R3HDM1: variants seen among roughly 807,000 people sequenced by gnomAD.
R3HDM1 encodes R3H domain-containing protein 1.
A neutral mutation model predicts 141.1 loss-of-function variants in R3HDM1; 46 were observed. That is an observed-to-expected ratio of 0.33 (90% confidence interval 0.26 to 0.42). The LOEUF (loss-of-function observed/expected upper bound fraction) is 0.42, where lower values mean the gene tolerates loss of function less well. Among genes scored for constraint, R3HDM1 ranks in the 10% least tolerant of loss-of-function variants. The pLI, the probability that R3HDM1 is intolerant of heterozygous loss-of-function variation, is 1.00. For synonymous variants in R3HDM1, 435 were observed against 472.9 expected (o/e 0.92, Z 1.04); for missense variants, 1,184 against 1,368.3 (o/e 0.87, Z 2.12).
intron 7 of R3HDM1, among the ~76,000 whole-genome samples, chr2:135,630,308 A>AAAAAAAAAAAAAAAAAAG (rs2062571916): frequency 7.6e-6 from 1 of 131,974 alleles, no homozygotes; most frequent in African/African-American, 3.0e-5. Context: ...AAAAAAAAAA[A>AAAAAAAAAAAAAAAAAAG]CAAAAAAAAA....
chr2:135,658,221 A>G (rs2066182129), intron 18 of R3HDM1, among the ~76,000 whole-genome samples: 1 of 152,094 alleles, frequency 6.6e-6, no homozygotes, highest in African/African-American at 2.4e-5. Flanking sequence ...GCTGGAGTTC[A>G]GTGGTATGAT....
intron 1 of R3HDM1, among the ~76,000 whole-genome samples, chr2:135,564,346 G>A (rs1168603190): frequency 6.6e-6 from 1 of 152,190 alleles, no homozygotes; most frequent in East Asian, 1.9e-4. Flanking sequence ...TTTTAAGACA[G>A]TCTCACTCTG....
At chr2:135,658,184 T>G (rs1459818893) in intron 18 of R3HDM1, among the ~76,000 whole-genome samples, 4 of 152,242 alleles carry the variant, frequency 2.6e-5, no homozygotes, top group African/African-American at 7.2e-5. Flanking sequence ...TTTTCTTTTT[T>G]GAGACGGAGT....
In R3HDM1 at chr2:135,609,969, G is replaced by A. The variant is rs191168325; in HGVS notation, c.171+4953G>A. On this transcript the variant is annotated intron_variant, in intron 3 of 26. Transcript: ENST00000683871. ...TGAGGTGGGAGAATTGCTTGAGCCA[G>A]GGAGATCGAGGTTGCAGTGAGCTGA... Among the ~76,000 whole-genome samples, 164 of 152,134 alleles carry A rather than the reference G, an allele frequency of 1.1e-3. 6 individuals carry two copies. The East Asian group carries it at 0.028, about 26-fold the overall frequency.
chr2:135,635,887 A>T lies in R3HDM1; in HGVS notation c.699-3A>T, dbSNP rs752596478. The T allele has an allele frequency of 6.3e-7, 1 of 1,579,998 alleles. No individual in the cohort carries two copies. Among genetic ancestry groups the T allele is most frequent in the Non-Finnish European group, 8.6e-7 (1 of 1,168,220 alleles). On this transcript the variant is annotated splice_region_variant and splice_polypyrimidine_tract_variant and intron_variant, in intron 9 of 26. Coordinates refer to ENST00000683871, the MANE Select transcript of R3HDM1 (RefSeq NM_001378107.1). ...TCCTTTGTTTTTGTTTTTGTTTTTT[A>T]AGACCTGATCAGAAATTTAATGAAC... is the stretch of plus-strand genomic sequence containing the variant.
In R3HDM1 at chr2:135,675,352, C is replaced by A; in HGVS notation, c.2173C>A (p.Gln725Lys). The change falls in exon 20 of 27, where the codon CAG becomes AAG. Residue 725 changes from glutamine to lysine, a missense_variant. This residue lies in a region of R3HDM1 where 563 missense variants were observed against 562.0 expected (regional missense o/e 1.00). Transcript: ENST00000683871. ...QQTGYQVIPN[Q>K]QQNYQGIVGV... Reference sequence around the variant, plus strand: ...TACAGGTTATCAAGTTATACCCAACCAGCAGCAAAACTACCAAGGAATAGT... The same window carrying A: ...TACAGGTTATCAAGTTATACCCAACAAGCAGCAAAACTACCAAGGAATAGT... 1 of 1,613,680 alleles carries A rather than the reference C, an allele frequency of 6.2e-7. No individual in the cohort carries two copies. The highest frequency in any genetic ancestry group is 2.2e-5 in the East Asian group (1 of 44,866).
At chr2:135,533,163 G>A (rs1236555584) in intron 1 of R3HDM1, among the ~76,000 whole-genome samples, 1 of 152,146 alleles carries the variant, frequency 6.6e-6, no homozygotes, top group African/African-American at 2.4e-5. Flanking sequence ...AATGAAAATT[G>A]CCAGTCATGT....
intron 14 of R3HDM1, among the ~76,000 whole-genome samples, chr2:135,640,325 A>C (rs1002408411): frequency 1.3e-5 from 2 of 152,214 alleles, no homozygotes; most frequent in African/African-American, 4.8e-5. Flanking sequence ...TTTTGCTAAA[A>C]ATAGGTAAAT....
At chr2:135,718,223 G>T (rs1159114510) in intron 24 of R3HDM1, among the ~76,000 whole-genome samples, 1 of 152,180 alleles carries the variant, frequency 6.6e-6, no homozygotes, top group Admixed American at 6.5e-5. Context: ...CTCTTCCAGG[G>T]ATGGAAATGT....
intron 1 of R3HDM1, among the ~76,000 whole-genome samples, chr2:135,532,029 G>A (rs1052165600): frequency 3.3e-5 from 5 of 152,230 alleles, no homozygotes; most frequent in Non-Finnish European, 5.9e-5. Context: ...CTCCGCGGCT[G>A]CTCTTGCAGC....
Position 135,709,569 on chromosome 2 carries a change from G to A in R3HDM1, c.2563+33G>A, listed in dbSNP as rs2075386299. ...GAAATCAGTGAAAATAAGATGATTG[G>A]TTCATATGAGAAATAGTTCGATTAC... On this transcript the variant is annotated intron_variant, in intron 22 of 26. Transcript: ENST00000683871. 2.5e-6 allele frequency: 4 copies of A among 1,605,324 alleles called. No individual in the cohort carries two copies. The East Asian group carries it at 8.9e-5, about 36-fold the overall frequency.
chr2:135,650,584 G>T, intron 17 of R3HDM1: 1 of 980,082 alleles, frequency 1.0e-6, no homozygotes, highest in Non-Finnish European at 1.2e-6. Context: ...TACAATTATG[G>T]TACTTCTGTT....
chr2:135,642,327 G>C (rs76438110), intron 15 of R3HDM1, among the ~76,000 whole-genome samples: 1 of 151,964 alleles, frequency 6.6e-6, no homozygotes. Context: ...TATTAATATT[G>C]ACAATACATA....
At chr2:135,652,330 A>C (rs2065237102) in intron 18 of R3HDM1, among the ~76,000 whole-genome samples, 1 of 152,198 alleles carries the variant, frequency 6.6e-6, no homozygotes, top group African/African-American at 2.4e-5. Context: ...AATCCACTGT[A>C]AAAGTAAAAT....
chr2:135,623,118 G>C (rs2061662709), intron 7 of R3HDM1: 1 of 860,766 alleles, frequency 1.2e-6, no homozygotes, highest in South Asian at 5.4e-5. Context: ...CAAAGTTTTT[G>C]TTCCTTCTTG....
chr2:135,578,156 G>A (rs1223557374), intron 1 of R3HDM1, among the ~76,000 whole-genome samples: 1 of 152,144 alleles, frequency 6.6e-6, no homozygotes, highest in Non-Finnish European at 1.5e-5. Context: ...ATAGATGATG[G>A]TACAGCCACA....
At chr2:135,604,477 G>A (rs577485332) in intron 2 of R3HDM1, among the ~76,000 whole-genome samples, 17 of 152,164 alleles carry the variant, frequency 1.1e-4, no homozygotes, top group African/African-American at 3.4e-4. Flanking sequence ...ACACTTATGT[G>A]TTAGCAATAG....
intron 1 of R3HDM1, among the ~76,000 whole-genome samples, chr2:135,566,173 G>A (rs1381778807): frequency 6.6e-6 from 1 of 152,092 alleles, no homozygotes; most frequent in Non-Finnish European, 1.5e-5. Context: ...TATTATGTTT[G>A]CATCTTATTT....
rs905255463 is a variant in R3HDM1, at chr2:135,583,868, C to T, written c.-249-18632C>T. On this transcript the variant is annotated intron_variant, in intron 1 of 26. Coordinates refer to ENST00000683871, the MANE Select transcript of R3HDM1 (RefSeq NM_001378107.1). ...GATAATTAAATTTCTGATGTTAGTCCCATAGTTGCCCCAGTTCCTATCATT... is the reference window on the plus strand; with the variant it reads ...GATAATTAAATTTCTGATGTTAGTCTCATAGTTGCCCCAGTTCCTATCATT... The T allele has an allele frequency of 4.1e-6, 4 of 985,214 alleles. No homozygotes were observed. The African/African-American group carries it at 7.0e-5, about 17-fold the overall frequency. 61.0% of individuals were successfully genotyped at this position (985,214 alleles called of 1,614,324 possible).
Sources: gnomAD v4.1 joint callset for allele counts (sites outside exome capture counted in the v4.1 genomes callset) on GRCh38, gnomAD v4.1.1 for gene constraint, gnomAD v4.1.1 regional missense constraint, MANE v1.5 for transcripts, NCBI Gene and HGNC (gene_info 2026-07-23, HGNC 2026-07-21) for gene names.